ERI1: variants seen among roughly 807,000 people sequenced by gnomAD.
The protein encoded by ERI1 is exoribonuclease 1, also known as 3'-5' exoribonuclease 1.
Under a neutral mutation model 39.7 loss-of-function variants are expected in ERI1, and 39 were observed. The observed-to-expected ratio is 0.98, with a 90% confidence interval of 0.76 to 1.28. The LOEUF (loss-of-function observed/expected upper bound fraction) is 1.28, where lower values mean the gene tolerates loss of function less well. Ranked by LOEUF, ERI1 falls within the 50% of genes most tolerant of loss-of-function variation. The probability of loss-of-function intolerance (pLI) is 0.00; values close to 1 mark genes in which losing one functional copy is unlikely to be tolerated. For missense variants in ERI1, 581 were observed against 416.9 expected (o/e 1.39, Z -3.43); for synonymous variants, 204 against 149.6 (o/e 1.36, Z -2.65).
chr8:9,052,026 G>T (rs765685106), intron 3 of ERI1, among the ~76,000 whole-genome samples: 6 of 152,196 alleles, frequency 3.9e-5, no homozygotes, highest in Non-Finnish European at 8.8e-5. Context: ...ATCTCATAGG[G>T]TCGTAGTGAG....
intron 3 of ERI1, among the ~76,000 whole-genome samples, chr8:9,053,293 A>G (rs1798414032): frequency 6.6e-6 from 1 of 152,222 alleles, no homozygotes; most frequent in African/African-American, 2.4e-5. Flanking sequence ...CTGGGATTAT[A>G]GGCAAGAGCC....
intron 3 of ERI1, among the ~76,000 whole-genome samples, chr8:9,063,159 G>A (rs748596402): frequency 6.6e-6 from 1 of 152,180 alleles, no homozygotes; most frequent in Non-Finnish European, 1.5e-5. Flanking sequence ...AGCAGATTGG[G>A]TAATAAAATA....
chr8:9,021,774 GTTTTTTTTTTTT>G (rs200507835), intron 6 of ERI1, among the ~76,000 whole-genome samples: 18 of 88,290 alleles, frequency 2.0e-4, no homozygotes, highest in Non-Finnish European at 3.5e-4. Context: ...TGTTTTTTTT[GTTTTTTTTTTTT>G]TTTCAATATT....
At chr8:9,014,845 T>G (rs1406484758) in intron 3 of ERI1, among the ~76,000 whole-genome samples, 1 of 152,006 alleles carries the variant, frequency 6.6e-6, no homozygotes, top group African/African-American at 2.4e-5. Flanking sequence ...TTGTTTTGTT[T>G]TGTTTTTTTT....
chr8:9,016,618 G>A (rs1312735093), intron 4 of ERI1, among the ~76,000 whole-genome samples: 1 of 151,208 alleles, frequency 6.6e-6, no homozygotes. Context: ...AGGAGTTGTA[G>A]TGGTGAATCG....
In ERI1 at chr8:9,032,647, G is replaced by A. The variant is rs1301238985; in HGVS notation, c.*2613G>A. 6.6e-6 allele frequency: 1 copy of A among 152,160 alleles called. No individual in the cohort carries two copies. Among genetic ancestry groups the A allele is most frequent in the Non-Finnish European group, 1.5e-5 (1 of 68,030 alleles). 9.4% of individuals were successfully genotyped at this position (152,160 alleles called of 1,614,324 possible). On this transcript the variant is annotated 3_prime_UTR_variant, in exon 7 of 7. Coordinates refer to ENST00000250263, the MANE Select transcript of ERI1 (RefSeq NM_153332.4). ...GTATCTCTGAAGACTAATTAAAATG[G>A]TAATTTTTAAAAAGATGTGACCAGT...
intron 3 of ERI1, among the ~76,000 whole-genome samples, chr8:9,012,806 C>T (rs1816803000): frequency 1.3e-5 from 2 of 152,210 alleles, no homozygotes; most frequent in Admixed American, 6.5e-5. Flanking sequence ...CTGCCAGCTA[C>T]TGCATTTCTT....
intron 3 of ERI1, among the ~76,000 whole-genome samples, chr8:9,014,932 G>T (rs1817067929): frequency 6.6e-6 from 1 of 152,098 alleles, no homozygotes; most frequent in South Asian, 2.1e-4. Context: ...CTGCCTCCTG[G>T]GTTCAAGCGA....
intron 3 of ERI1, among the ~76,000 whole-genome samples, chr8:9,041,290 A>G (rs758375593): frequency 1.3e-5 from 2 of 152,180 alleles, no homozygotes; most frequent in Admixed American, 6.5e-5. Flanking sequence ...TCCTTACTAC[A>G]GGCAACTTCC....
intron 3 of ERI1, among the ~76,000 whole-genome samples, chr8:9,064,891 G>C (rs1228034367): frequency 6.6e-6 from 1 of 152,188 alleles, no homozygotes; most frequent in East Asian, 1.9e-4. Flanking sequence ...TCCGAGAAGA[G>C]AGTCAGCGAA....
intron 6 of ERI1, among the ~76,000 whole-genome samples, chr8:9,024,844 A>G (rs1818304317): frequency 6.6e-6 from 1 of 152,032 alleles, no homozygotes; most frequent in African/African-American, 2.4e-5. Context: ...TCCTCCCTTT[A>G]CAAATACTCA....
intron 3 of ERI1, among the ~76,000 whole-genome samples, chr8:9,016,099 C>T (rs73524221): frequency 6.6e-6 from 1 of 152,138 alleles, no homozygotes; most frequent in Admixed American, 6.5e-5. Context: ...AAATCTTTCA[C>T]ACACTCACTT....
At position 9,011,666 on chromosome 8, in the gene ERI1, A is replaced by G; in HGVS notation, c.412A>G (p.Thr138Ala). 1 of 1,613,688 alleles carries G rather than the reference A, an allele frequency of 6.2e-7. No homozygotes were observed. Among genetic ancestry groups the G allele is most frequent in the Non-Finnish European group, 8.5e-7 (1 of 1,179,704 alleles). Residue 138 changes from threonine (T) to alanine (A), a missense_variant, in exon 3 of 7, where the codon ACT becomes GCT. Transcript: ENST00000250263. ...CATTTGTATTATTGACTTTGAAGCC[A>G]CTTGTGAAGAAGGAAACCCACCTGA... is the stretch of plus-strand genomic sequence containing the variant. ...DYICIIDFEA[T>A]CEEGNPPEFV...
intron 3 of ERI1, among the ~76,000 whole-genome samples, chr8:9,079,714 T>C (rs1444709241): frequency 6.6e-6 from 1 of 152,136 alleles, no homozygotes; most frequent in Non-Finnish European, 1.5e-5. Flanking sequence ...CTCACTGTCA[T>C]CCAGGCTGGA....
chr8:9,088,409 C>G (rs910738348), intron 3 of ERI1: 2 of 152,134 alleles, frequency 1.3e-5, no homozygotes, highest in East Asian at 3.8e-4. Context: ...TCCGTTAGCT[C>G]AAGTTGTGCC....
intron 2 of ERI1, among the ~76,000 whole-genome samples, chr8:9,008,647 C>G (rs1368515106): frequency 1.3e-5 from 2 of 152,088 alleles, no homozygotes; most frequent in Non-Finnish European, 2.9e-5. Flanking sequence ...AGTGAGAAAA[C>G]AATGCAACTT....
At chr8:9,060,107 T>G (rs1798644360) in intron 3 of ERI1, among the ~76,000 whole-genome samples, 1 of 152,190 alleles carries the variant, frequency 6.6e-6, no homozygotes, top group Non-Finnish European at 1.5e-5. Flanking sequence ...CCGTTCTACC[T>G]TTCCTGAATA....
At chr8:9,075,767 A>C (rs1305343653) in intron 3 of ERI1, among the ~76,000 whole-genome samples, 1 of 152,214 alleles carries the variant, frequency 6.6e-6, no homozygotes, top group Non-Finnish European at 1.5e-5. Flanking sequence ...TAGGTTTACT[A>C]TTACAGTGAA....
chr8:9,025,693 C>CTTTT (rs35325273), intron 6 of ERI1, among the ~76,000 whole-genome samples: 1 of 149,706 alleles, frequency 6.7e-6, no homozygotes, highest in South Asian at 2.1e-4. Flanking sequence ...TCATTTTAAT[C>CTTTT]TTTTTTTTTT....
Sources: allele counts gnomAD v4.1 joint callset (sites outside exome capture counted in the v4.1 genomes callset), GRCh38; gene constraint gnomAD v4.1.1; transcripts MANE v1.5; gene names NCBI Gene and HGNC (gene_info 2026-07-23, HGNC 2026-07-21).